The following ARHGEF2 variants were observed in gnomAD, a reference collection of about 807,000 sequenced individuals.
ARHGEF2 encodes the protein rho guanine nucleotide exchange factor 2.
A neutral mutation model predicts 121.0 loss-of-function variants in ARHGEF2; 22 were observed. That is an observed-to-expected ratio of 0.18 (90% CI 0.13 to 0.26). The LOEUF is 0.26. Among genes scored for constraint, ARHGEF2 ranks in the 10% least tolerant of loss-of-function variants. ARHGEF2 has a pLI of 1.00. For missense variants in ARHGEF2, 907 were observed against 1,336.0 expected, an observed-to-expected ratio of 0.68 and a Z score of 5.01; for synonymous variants, 487 against 530.0, an observed-to-expected ratio of 0.92 and a Z score of 1.11.
chr1:155,979,387 C>G (rs1157580590), upstream of ARHGEF2: 1 of 950,314 alleles, frequency 1.1e-6, no homozygotes, highest in Non-Finnish European at 1.3e-6. Context: ...CAGCCTCTCC[C>G]CAAGAAGCAG....
In ARHGEF2 at chr1:155,951,233, A is replaced by C. The variant is rs755773190; in HGVS notation, c.2299T>G (p.Phe767Val). 1.9e-6 allele frequency: 3 copies of C among 1,611,026 alleles called. No homozygotes were observed. Among genetic ancestry groups the C allele is most frequent in the Non-Finnish European group, 2.5e-6 (3 of 1,178,662 alleles). ...TCCCGCCGCTCAGGGCCCTCAGGGA[A>C]CCGGGCTTCCATCAGAGTGTCCTGC... is the stretch of plus-strand genomic sequence containing the variant. ...AQQDTLMEAR[F>V]PEGPERREKL... The change falls in exon 20 of 22, where the codon TTC becomes GTC. Residue 767 changes from phenylalanine to valine, a missense_variant. Physicochemically the swap from Phe to Val is conservative, Grantham distance 50. This residue lies in a region of ARHGEF2 where 432 missense variants were observed against 559.5 expected (regional missense o/e 0.77). Transcript: ENST00000361247. The surrounding 1 kb of genome is among the most constrained non-coding windows in gnomAD (Gnocchi z 5.1).
At chr1:155,970,759 G>A in intron 1 of ARHGEF2, 1 of 985,774 alleles carries the variant, frequency 1.0e-6, no homozygotes, top group Non-Finnish European at 1.2e-6. Flanking sequence ...GAAGTGTGGA[G>A]GGGCTGAGTC....
At chr1:155,966,260 G>A (rs896474958) in intron 4 of ARHGEF2, among the ~76,000 whole-genome samples, 156 bp downstream of exon 4, 2 of 152,102 alleles carry the variant, frequency 1.3e-5, no homozygotes, top group African/African-American at 4.8e-5. Context: ...AAGTCCAAGA[G>A]TCCGAACCCT....
At chr1:155,976,665 C>T (rs1325795346) in intron 1 of ARHGEF2, among the ~76,000 whole-genome samples, 1 of 145,272 alleles carries the variant, frequency 6.9e-6, no homozygotes, top group Admixed American at 7.0e-5. Context: ...TCCCCCATGG[C>T]TTTCCTTTTT....
chr1:155,974,894 G>A (rs1432346074), intron 1 of ARHGEF2, among the ~76,000 whole-genome samples: 1 of 152,018 alleles, frequency 6.6e-6, no homozygotes, highest in Non-Finnish European at 1.5e-5. Flanking sequence ...TTGTGCAAGT[G>A]AACAATAGCT....
intron 14 of ARHGEF2, among the ~76,000 whole-genome samples, chr1:155,953,265 CA>C (rs71827896): frequency 8.6e-4 from 115 of 133,792 alleles, no homozygotes; most frequent in African/African-American, 2.3e-3. Context: ...GACTCTGTCT[CA>C]AAAAAAAAAA....
In ARHGEF2 at chr1:155,965,520, T is replaced by G; in HGVS notation, c.471-108A>C. On this transcript the variant is annotated intron_variant, in intron 5 of 21. Transcript: ENST00000361247. This position sits in a 1 kb window ranked among gnomAD's most constrained non-coding sequence, Gnocchi z 6.0. ...AGAGGCGGTCCCCCTAAGTTCTCCT[T>G]ATTTGTCTGTCTACAGTTCTGAACT... 7 of 1,603,030 alleles carry G rather than the reference T, an allele frequency of 4.4e-6. No homozygotes were observed. The highest frequency in any genetic ancestry group is 6.0e-6 in the Non-Finnish European group (7 of 1,171,558).
intron 21 of ARHGEF2, among the ~76,000 whole-genome samples, chr1:155,949,791 C>T (rs1387551764): frequency 1.3e-5 from 2 of 151,984 alleles, no homozygotes; most frequent in Admixed American, 6.6e-5. Context: ...GCAGGAGAAT[C>T]GCTTGAACCT....
upstream of ARHGEF2, chr1:155,978,724 G>A (rs1681808007): frequency 1.3e-6 from 1 of 790,278 alleles, no homozygotes; most frequent in Non-Finnish European, 1.6e-6. The surrounding 1 kb of genome is among the most constrained non-coding windows in gnomAD (Gnocchi z 4.1). Context: ...GGTTTGAGAG[G>A]CCCCTCTGCC....
chr1:155,969,805 TG>T (rs1054568546), intron 1 of ARHGEF2: 45 of 984,910 alleles, frequency 4.6e-5, no homozygotes, highest in South Asian at 9.4e-5. Flanking sequence ...GCAGTCACAG[TG>T]GGGGGGGCAG....
chr1:155,961,540 C>G lies in ARHGEF2; in HGVS notation c.1468+121G>C. The G allele has an allele frequency of 7.1e-7, 1 of 1,412,042 alleles. No individual in the cohort carries two copies. Among genetic ancestry groups the G allele is most frequent in the South Asian group, 1.3e-5 (1 of 75,234 alleles). The allele number at this position is 1,412,042 out of a possible 1,614,324, so 87.5% of individuals were successfully genotyped here. On this transcript the variant is annotated intron_variant, in intron 11 of 21. Coordinates refer to ENST00000361247, the MANE Select transcript of ARHGEF2 (RefSeq NM_001162383.2). The surrounding 1 kb of genome is among the most constrained non-coding windows in gnomAD (Gnocchi z 4.7). ...CCGCCCGCCTCGGCCTCCCTAAGTG[C>G]TGGGATTACAGGCGTTGAGCCACTG... is the stretch of plus-strand genomic sequence containing the variant.
intron 7 of ARHGEF2, among the ~76,000 whole-genome samples, chr1:155,963,493 G>C (rs563737308): frequency 4.0e-5 from 6 of 149,762 alleles, no homozygotes; most frequent in Non-Finnish European, 8.9e-5. Context: ...TTACAGGCAC[G>C]CACCACCAGG....
At chr1:155,959,423 A>AT (rs1222190877) in intron 11 of ARHGEF2, among the ~76,000 whole-genome samples, 2 of 151,680 alleles carry the variant, frequency 1.3e-5, no homozygotes, top group Non-Finnish European at 2.9e-5. Context: ...AATTTTTTGC[A>AT]TTTTTGTAGA....
At chr1:155,963,948 CAGCT>C (rs1411445767) in intron 7 of ARHGEF2, among the ~76,000 whole-genome samples, 1 of 150,418 alleles carries the variant, frequency 6.6e-6, no homozygotes, top group Admixed American at 6.6e-5. Flanking sequence ...TGTTCGAGAC[CAGCT>C]TGGCCAACAT....
At chr1:155,957,956 T>G in intron 12 of ARHGEF2, 74 bp from the exon 13 acceptor site, 1 of 1,476,856 alleles carries the variant, frequency 6.8e-7, no homozygotes. Context: ...TCAATCCTTC[T>G]GGACGAGGAC....
upstream of ARHGEF2, chr1:155,978,678 G>C (rs1215275516): frequency 9.7e-7 from 1 of 1,029,524 alleles, no homozygotes; most frequent in African/African-American, 1.7e-5. This position sits in a 1 kb window ranked among gnomAD's most constrained non-coding sequence, Gnocchi z 4.1. Flanking sequence ...GGGTTTGTGT[G>C]GGGGCAGCTC....
At chr1:155,959,467 C>G (rs750115009) in intron 11 of ARHGEF2, among the ~76,000 whole-genome samples, 7 of 152,134 alleles carry the variant, frequency 4.6e-5, no homozygotes, top group South Asian at 2.1e-4. Flanking sequence ...AGGCTGGTCT[C>G]TAACTCCTGA....
intron 13 of ARHGEF2, 129 bp downstream of exon 13, chr1:155,957,584 G>A: frequency 9.1e-7 from 1 of 1,095,920 alleles, no homozygotes; most frequent in Non-Finnish European, 1.3e-6. Context: ...GGGCCATTTT[G>A]TCTCTCCCTC....
chr1:155,960,460 CCT>C (rs1330353893), intron 11 of ARHGEF2, among the ~76,000 whole-genome samples: 2 of 115,340 alleles, frequency 1.7e-5, no homozygotes, highest in East Asian at 4.0e-4. Context: ...AAAGCGAGAC[CCT>C]GTTTCTAAAA....
Sources: allele counts gnomAD v4.1 joint callset (sites outside exome capture counted in the v4.1 genomes callset), GRCh38; gene constraint gnomAD v4.1.1; regional missense constraint gnomAD v4.1.1; non-coding constraint Gnocchi (gnomAD v3.1); transcripts MANE v1.5; gene names NCBI Gene and HGNC (gene_info 2026-07-23, HGNC 2026-07-21).